The following TMEM74 variants were observed in gnomAD, a reference collection of about 807,000 sequenced individuals.
The protein encoded by TMEM74 is transmembrane protein 74.
A neutral mutation model predicts 18.1 loss-of-function variants in TMEM74; 13 were observed. That is an observed-to-expected ratio of 0.72 (90% CI 0.47 to 1.14). TMEM74 has a LOEUF of 1.14. Among genes scored for constraint, TMEM74 ranks in the 50% most tolerant of loss-of-function variants. The pLI, the probability that TMEM74 is intolerant of heterozygous loss-of-function variation, is 0.00. For missense variants in TMEM74, 372 were observed against 375.9 expected, an observed-to-expected ratio of 0.99 and a Z score of 0.09; for synonymous variants, 159 against 146.6, an observed-to-expected ratio of 1.08 and a Z score of -0.61.
intron 1 of TMEM74, among the ~76,000 whole-genome samples, chr8:108,709,023 C>T (rs3019340): frequency 0.5 from 76,403 of 151,716 alleles, 21,348 homozygotes; most frequent in East Asian, 0.78. Context: ...TATAAAAAAA[C>T]ATAAAAAGCA....
intron 1 of TMEM74, among the ~76,000 whole-genome samples, chr8:108,680,554 A>G (rs1345697989): frequency 6.6e-6 from 1 of 152,216 alleles, no homozygotes; most frequent in African/African-American, 2.4e-5. Flanking sequence ...ACCCACAGCC[A>G]ATATCATACT....
intron 1 of TMEM74, among the ~76,000 whole-genome samples, chr8:108,746,197 A>G (rs1813847088): frequency 6.6e-6 from 1 of 152,154 alleles, no homozygotes; most frequent in South Asian, 2.1e-4. Flanking sequence ...TCCCAAGGAA[A>G]ATCATTTAAG....
rs545194293 is a variant in TMEM74, at chr8:108,690,299, G to A, written n.120-34862C>T. Among the ~76,000 whole-genome samples, 4 of 152,032 alleles carry A rather than the reference G, an allele frequency of 2.6e-5. No homozygotes were observed. In the South Asian group the frequency reaches 8.3e-4, roughly 32 times the overall value. ...AGAATCCAGCTCACATTTTACATAT[G>A]GCTTTAAAAAATTTATCACTAAAGT... On this transcript the variant is annotated intron_variant and non_coding_transcript_variant, in intron 1 of 3. Coordinates refer to the TMEM74 transcript ENST00000518838.
chr8:108,756,600 A>AAGAAAGAAAGAAAGAAAGAGAAAGGG (rs1190452309), intron 1 of TMEM74, among the ~76,000 whole-genome samples: 6 of 40,764 alleles, frequency 1.5e-4, no homozygotes, highest in Non-Finnish European at 2.2e-4. Flanking sequence ...AAGAAAGAGA[A>AAGAAAGAAAGAAAGAAAGAGAAAGGG]AGGAAGGAAG....
intron 1 of TMEM74, among the ~76,000 whole-genome samples, chr8:108,700,175 T>C (rs1308207767): frequency 8.5e-6 from 1 of 118,008 alleles, no homozygotes; most frequent in Non-Finnish European, 1.9e-5. Flanking sequence ...GTGTTCATTG[T>C]GGGGCACCCA....
chr8:108,736,341 T>C (rs1478478877), intron 1 of TMEM74, among the ~76,000 whole-genome samples: 1 of 152,158 alleles, frequency 6.6e-6, no homozygotes, highest in Non-Finnish European at 1.5e-5. Context: ...ATGTGAATTG[T>C]AAGTTATTTT....
rs1340608530 is a variant in TMEM74 at position 108,782,097 on chromosome 8, C to A, written c.*2084G>T. Reference sequence around the variant, plus strand: ...AATGCCTTCTTTTTTTTAATGCCTTCTTTTTTTAACACACAGCTCAGACCT... The same window carrying A: ...AATGCCTTCTTTTTTTTAATGCCTTATTTTTTTAACACACAGCTCAGACCT... On this transcript the variant is annotated 3_prime_UTR_variant, in exon 2 of 2. Transcript: ENST00000297459. Among the ~76,000 whole-genome samples the A allele has an allele frequency of 6.6e-6, 1 of 152,002 alleles. No individual in the cohort carries two copies. The highest frequency in any genetic ancestry group is 2.4e-5 in the African/African-American group (1 of 41,350).
chr8:108,786,646 A>G (rs1053984115), intron 1 of TMEM74, among the ~76,000 whole-genome samples: 1 of 152,220 alleles, frequency 6.6e-6, no homozygotes, highest in Non-Finnish European at 1.5e-5. Context: ...CAAAAGAATC[A>G]CTACTAAACT....
At chr8:108,700,541 T>C (rs1301875458) in intron 1 of TMEM74, among the ~76,000 whole-genome samples, 1 of 152,270 alleles carries the variant, frequency 6.6e-6, no homozygotes, top group East Asian at 1.9e-4. Flanking sequence ...AGGTACATTA[T>C]GGCTCAAGTT....
chr8:108,754,859 A>T (rs768291824), intron 1 of TMEM74, among the ~76,000 whole-genome samples: 7 of 151,968 alleles, frequency 4.6e-5, no homozygotes, highest in Admixed American at 6.6e-5. Flanking sequence ...GTCTGAGGGC[A>T]GAAAAAGATG....
intron 1 of TMEM74, among the ~76,000 whole-genome samples, chr8:108,674,548 A>G (rs538389976): frequency 6.6e-6 from 1 of 152,368 alleles, no homozygotes; most frequent in Admixed American, 6.5e-5. Context: ...ATTCAGCCTC[A>G]TGTATTACTC....
chr8:108,696,349 A>C (rs1349183289), intron 1 of TMEM74, among the ~76,000 whole-genome samples: 1 of 152,242 alleles, frequency 6.6e-6, no homozygotes, highest in Non-Finnish European at 1.5e-5. Flanking sequence ...GGCTTAGAGA[A>C]GTTAAAAAAC....
intron 2 of TMEM74, among the ~76,000 whole-genome samples, chr8:108,633,470 A>G (rs1396619830): frequency 6.6e-6 from 1 of 152,010 alleles, no homozygotes; most frequent in Admixed American, 6.6e-5. Flanking sequence ...TAAGCTAGTA[A>G]TTATGAACTT....
chr8:108,657,859 A>AAATATATATAT (rs1554630268), intron 1 of TMEM74, among the ~76,000 whole-genome samples: 1 of 49,876 alleles, frequency 2.0e-5, no homozygotes, highest in Non-Finnish European at 3.5e-5. Flanking sequence ...AAAAAAAAAA[A>AAATATATATAT]ATATATATAT....
intron 1 of TMEM74, among the ~76,000 whole-genome samples, chr8:108,685,582 A>G (rs1813159749): frequency 1.3e-5 from 2 of 152,182 alleles, no homozygotes; most frequent in Admixed American, 1.3e-4. Context: ...GGGGAACATT[A>G]GTGTATTTTA....
At chr8:108,636,570 T>TA (rs140941852) in intron 2 of TMEM74, among the ~76,000 whole-genome samples, 3,677 of 152,078 alleles carry the variant, frequency 0.024, 154 homozygotes, top group African/African-American at 0.085. Context: ...CCCAAAGATC[T>TA]AAAAACTAAG....
intron 1 of TMEM74, among the ~76,000 whole-genome samples, chr8:108,722,523 T>C (rs1194806291): frequency 2.0e-5 from 3 of 152,138 alleles, no homozygotes; most frequent in Non-Finnish European, 1.5e-5. Flanking sequence ...CGGTTTAAAT[T>C]TCAAGGATTT....
At chr8:108,639,649 C>T (rs1812643089) in intron 2 of TMEM74, among the ~76,000 whole-genome samples, 1 of 152,090 alleles carries the variant, frequency 6.6e-6, no homozygotes, top group Non-Finnish European at 1.5e-5. Flanking sequence ...ATATAGGGCT[C>T]TTCTTATGCT....
At chr8:108,778,590 G>A (rs1814263372), downstream of TMEM74, among the ~76,000 whole-genome samples, 1 of 152,190 alleles carries the variant, frequency 6.6e-6, no homozygotes, top group South Asian at 2.1e-4. Flanking sequence ...AATAGATGGA[G>A]CAAGATATGG....
Sources: gnomAD v4.1 joint callset for allele counts (sites outside exome capture counted in the v4.1 genomes callset) on GRCh38, gnomAD v4.1.1 for gene constraint, MANE v1.5 for transcripts, NCBI Gene and HGNC (gene_info 2026-07-23, HGNC 2026-07-21) for gene names.